The following CAMK2D variants were observed in gnomAD, a reference collection of about 807,000 sequenced individuals.
The protein encoded by CAMK2D is calcium/calmodulin-dependent protein kinase type II subunit delta.
In CAMK2D, 37 loss-of-function variants were observed where a neutral mutation model predicts 84.0. The observed-to-expected ratio is 0.44, with a 90% CI of 0.34 to 0.58. CAMK2D has a LOEUF of 0.58. Among genes scored for constraint, CAMK2D ranks in the 20% least tolerant of loss-of-function variants. The pLI is 0.02. For missense variants in CAMK2D, 448 were observed against 652.5 expected (o/e 0.69, Z 3.41); for synonymous variants, 202 against 212.5 (o/e 0.95, Z 0.43).
rs145495913 is a variant in CAMK2D, at chr4:113,521,790, ATT to A, written c.602-4135_602-4134del. 2.3e-3 allele frequency among the ~76,000 whole-genome samples: 348 copies of A among 152,310 alleles called. 2 individuals carry two copies. Among genetic ancestry groups the A allele is most frequent in the African/African-American group, 7.8e-3 (323 of 41,576 alleles). ...TTCTTTTAGAGATATACTTTAAAAT[ATT>A]TATAGATGTATTGATACAATGTTTC... is the stretch of plus-strand genomic sequence containing the variant. On this transcript the variant is annotated intron_variant, in intron 8 of 20. Coordinates refer to ENST00000511664, the MANE Select transcript of CAMK2D (RefSeq NM_001321571.2).
rs36039505 is a variant in CAMK2D, at chr4:113,577,756, A to AT, written c.276-25661dup. Among the ~76,000 whole-genome samples the AT allele has an allele frequency of 9.4e-3, 1,397 of 148,088 alleles. 24 individuals carry two copies. Among genetic ancestry groups the AT allele is most frequent in the African/African-American group, 0.031 (1,248 of 40,356 alleles). On this transcript the variant is annotated intron_variant, in intron 4 of 20. Transcript: ENST00000511664. ...TTTTCCTTTGGGCTCTTCGTATACT[A>AT]TTTTTTTTTTTTAGATCTAATAAGC...
chr4:113,527,682 G>A (rs1258708339), intron 8 of CAMK2D, among the ~76,000 whole-genome samples: 1 of 151,968 alleles, frequency 6.6e-6, no homozygotes, highest in East Asian at 1.9e-4. Flanking sequence ...CTTTTTAGTG[G>A]ATCTGATATT....
intron 2 of CAMK2D, among the ~76,000 whole-genome samples, chr4:113,706,737 A>G (rs1281333424): frequency 6.6e-6 from 1 of 152,212 alleles, no homozygotes; most frequent in Non-Finnish European, 1.5e-5. Flanking sequence ...ATACAAAGAA[A>G]TAACTTTGGT....
chr4:113,616,440 T>C (rs2099021512), intron 3 of CAMK2D, among the ~76,000 whole-genome samples: 1 of 152,160 alleles, frequency 6.6e-6, no homozygotes, highest in Non-Finnish European at 1.5e-5. Flanking sequence ...CAGATTAGTA[T>C]AATAGCATTC....
At chr4:113,679,735 G>A (rs7656183) in intron 2 of CAMK2D, among the ~76,000 whole-genome samples, 5 of 152,052 alleles carry the variant, frequency 3.3e-5, no homozygotes, top group Admixed American at 6.6e-5. Flanking sequence ...TTGGAAATAC[G>A]CAGCATACAA....
chr4:113,567,148 C>CT (rs891727101), intron 4 of CAMK2D, among the ~76,000 whole-genome samples: 3 of 147,308 alleles, frequency 2.0e-5, no homozygotes, highest in Non-Finnish European at 3.0e-5. Flanking sequence ...CAACTGAGAT[C>CT]TTTTTTTTCT....
intron 16 of CAMK2D, among the ~76,000 whole-genome samples, chr4:113,484,565 A>G (rs1405948816): frequency 9.9e-5 from 15 of 152,192 alleles, no homozygotes; most frequent in African/African-American, 2.9e-4. Context: ...CATAGTGGTA[A>G]AATGTTTTAC....
chr4:113,500,627 AT>A, intron 15 of CAMK2D, 116 bp from the exon 16 acceptor site: 1 of 569,492 alleles, frequency 1.8e-6, no homozygotes, highest in Non-Finnish European at 3.1e-6. Context: ...CTATGTGCAT[AT>A]GCTGACATGC....
At chr4:113,698,876 T>C (rs1034188160) in intron 2 of CAMK2D, among the ~76,000 whole-genome samples, 2 of 152,092 alleles carry the variant, frequency 1.3e-5, no homozygotes, top group African/African-American at 4.8e-5. Flanking sequence ...GCAATTTCAC[T>C]TTGGAGAGTG....
intron 3 of CAMK2D, among the ~76,000 whole-genome samples, chr4:113,632,515 G>A (rs1434517552): frequency 6.6e-5 from 10 of 151,724 alleles, no homozygotes; most frequent in African/African-American, 9.7e-5. Flanking sequence ...GAGCCACCAC[G>A]CCCGGCCTGT....
chr4:113,511,181 T>G (rs13130985), intron 12 of CAMK2D, among the ~76,000 whole-genome samples: 1 of 151,910 alleles, frequency 6.6e-6, no homozygotes. Context: ...TACTTATGGA[T>G]AAATTACTTT....
At chr4:113,683,970 G>C (rs949979564) in intron 2 of CAMK2D, among the ~76,000 whole-genome samples, 4 of 152,078 alleles carry the variant, frequency 2.6e-5, no homozygotes, top group Admixed American at 2.6e-4. Flanking sequence ...TGAGCTTTTT[G>C]ACCTCTCTGT....
At chr4:113,570,677 A>T (rs2098748619) in intron 4 of CAMK2D, among the ~76,000 whole-genome samples, 1 of 152,206 alleles carries the variant, frequency 6.6e-6, no homozygotes. Context: ...TAAATGTAAG[A>T]TTTAAAACTG....
At chr4:113,506,214 C>T (rs2098125689) in intron 13 of CAMK2D, among the ~76,000 whole-genome samples, 2 of 152,022 alleles carry the variant, frequency 1.3e-5, no homozygotes, top group Admixed American at 6.6e-5. Flanking sequence ...AACTATATAT[C>T]CTGTCAAAAC....
intron 4 of CAMK2D, among the ~76,000 whole-genome samples, chr4:113,581,655 C>A (rs1161877866): frequency 6.6e-6 from 1 of 151,724 alleles, no homozygotes; most frequent in Admixed American, 6.6e-5. Flanking sequence ...ACAGAAATAA[C>A]CCAGACTTCC....
At chr4:113,705,728 T>A (rs962356527) in intron 2 of CAMK2D, among the ~76,000 whole-genome samples, 1 of 152,242 alleles carries the variant, frequency 6.6e-6, no homozygotes, top group Non-Finnish European at 1.5e-5. Context: ...GACTGGAGAC[T>A]GTATTTTCTT....
In CAMK2D at chr4:113,710,121, A is replaced by G. The variant is rs142706347; in HGVS notation, c.161-48349T>C. ...TTTCAGGATATTTAAAAACTAGGGT[A>G]TTTTGACAAGACTTACATATTTGTG... On this transcript the variant is annotated intron_variant, in intron 2 of 20. Coordinates refer to ENST00000511664, the MANE Select transcript of CAMK2D (RefSeq NM_001321571.2). Among the ~76,000 whole-genome samples, 6 of 152,128 alleles carry G rather than the reference A, an allele frequency of 3.9e-5. No homozygotes were observed. The East Asian group carries it at 9.7e-4, about 25-fold the overall frequency.
intron 7 of CAMK2D, among the ~76,000 whole-genome samples, chr4:113,533,438 G>GTAA (rs997492503): frequency 6.6e-6 from 1 of 152,006 alleles, no homozygotes; most frequent in African/African-American, 2.4e-5. Context: ...AATAGAAAAA[G>GTAA]TAATGAGAGC....
chr4:113,662,061 T>A (rs2099235491), intron 2 of CAMK2D, among the ~76,000 whole-genome samples: 1 of 152,182 alleles, frequency 6.6e-6, no homozygotes, highest in African/African-American at 2.4e-5. Context: ...TTCTCATCTT[T>A]ACATCAAGTA....
Sources: gnomAD v4.1 joint callset for allele counts (sites outside exome capture counted in the v4.1 genomes callset) on GRCh38, gnomAD v4.1.1 for gene constraint, MANE v1.5 for transcripts, NCBI Gene and HGNC (gene_info 2026-07-23, HGNC 2026-07-21) for gene names.